Variants in ALK observed in about 807,000 individuals in gnomAD.
ALK encodes ALK tyrosine kinase receptor.
Under a neutral mutation model 163.1 loss-of-function variants are expected in ALK, and 74 were observed. The observed-to-expected ratio is 0.45, with a 90% CI of 0.38 to 0.55. The LOEUF is 0.55. Ranked by LOEUF, ALK falls within the 20% of genes least tolerant of loss-of-function variation. ALK has a pLI of 0.00. For synonymous variants in ALK, 960 were observed against 843.2 expected, an observed-to-expected ratio of 1.14 and a Z score of -2.40; for missense variants, 2,063 against 2,105.3, an observed-to-expected ratio of 0.98 and a Z score of 0.39.
chr2:29,653,412 G>C (rs1354492198), intron 3 of ALK, among the ~76,000 whole-genome samples: 2 of 152,120 alleles, frequency 1.3e-5, no homozygotes, highest in Non-Finnish European at 2.9e-5. Flanking sequence ...AATTTGACCA[G>C]ACCAAGAATT....
chr2:29,472,996 T>C (rs1020627681), intron 4 of ALK, among the ~76,000 whole-genome samples: 6 of 152,256 alleles, frequency 3.9e-5, no homozygotes, highest in African/African-American at 1.4e-4. Flanking sequence ...GTATTTGTAC[T>C]GTGTGACAAT....
chr2:29,920,438 T>G lies in ALK; in HGVS notation c.222A>C (p.Pro74=). ...FRVYARDLLL[P]PSSSELKAGR... The stretch of plus-strand genomic sequence containing the variant: ...CAGCCTTCAGCTCCGAGGAGGATGG[T>G]GGCAGCAGTAGGTCCCGGGCGTAGA... Residue 74 remains proline (P), a synonymous_variant, in exon 1 of 29, where the codon CCA becomes CCC. Coordinates refer to ENST00000389048, the MANE Select transcript of ALK (RefSeq NM_004304.5). 6.2e-7 allele frequency: 1 copy of G among 1,607,822 alleles called. No homozygotes were observed. The highest frequency in any genetic ancestry group is 8.5e-7 in the Non-Finnish European group (1 of 1,177,568).
chr2:29,689,105 G>A (rs1043955097), intron 3 of ALK, among the ~76,000 whole-genome samples: 10 of 152,132 alleles, frequency 6.6e-5, no homozygotes, highest in Admixed American at 4.6e-4. Flanking sequence ...TTGCTCTCCA[G>A]AAACAGTGGC....
intron 1 of ALK, among the ~76,000 whole-genome samples, chr2:29,808,938 A>G (rs1044723582): frequency 2.0e-5 from 3 of 152,200 alleles, no homozygotes; most frequent in Non-Finnish European, 4.4e-5. Flanking sequence ...ACAGGCCTAC[A>G]TGATAAAGCC....
chr2:29,287,234 G>C (rs915483918), intron 9 of ALK, among the ~76,000 whole-genome samples: 1 of 152,008 alleles, frequency 6.6e-6, no homozygotes, highest in Non-Finnish European at 1.5e-5. Context: ...GAATTTTTAG[G>C]AAATACGACG....
chr2:29,910,017 A>C (rs1343308620), intron 1 of ALK, among the ~76,000 whole-genome samples: 1 of 152,024 alleles, frequency 6.6e-6, no homozygotes, highest in Non-Finnish European at 1.5e-5. Flanking sequence ...GTATGCAAAG[A>C]AGCAGGAAAA....
intron 3 of ALK, among the ~76,000 whole-genome samples, chr2:29,585,234 G>C (rs946743897): frequency 1.6e-4 from 25 of 152,094 alleles, no homozygotes; most frequent in African/African-American, 5.8e-4. Context: ...ATTTACTTTA[G>C]GTGATGATGC....
At chr2:29,494,532 G>A (rs62129126) in intron 4 of ALK, among the ~76,000 whole-genome samples, 37,840 of 152,000 alleles carry the variant, frequency 0.25, 5,898 homozygotes, top group Non-Finnish European at 0.35. Context: ...GGTGGGTGGG[G>A]GAGTGACAGC....
chr2:29,372,738 T>C (rs1315539016), intron 5 of ALK, among the ~76,000 whole-genome samples: 2 of 152,222 alleles, frequency 1.3e-5, no homozygotes, highest in South Asian at 2.1e-4. Flanking sequence ...CTTTCCACTG[T>C]CCATGATGCT....
chr2:29,487,526 G>T (rs1317909256), intron 4 of ALK, among the ~76,000 whole-genome samples: 3 of 152,142 alleles, frequency 2.0e-5, no homozygotes, highest in Non-Finnish European at 4.4e-5. Flanking sequence ...AAGCCACCTG[G>T]GGTAGTACCC....
chr2:29,319,547 G>C (rs1018138736), intron 7 of ALK, among the ~76,000 whole-genome samples: 6 of 152,164 alleles, frequency 3.9e-5, no homozygotes, highest in African/African-American at 1.4e-4. Context: ...GTTCTGTGGG[G>C]CTCCAGGGGG....
chr2:29,254,646 C>T (rs1417180650), intron 11 of ALK, among the ~76,000 whole-genome samples: 1 of 152,172 alleles, frequency 6.6e-6, no homozygotes, highest in Non-Finnish European at 1.5e-5. Flanking sequence ...AAAATGTGAA[C>T]AATTGGAGAC....
Position 29,460,080 on chromosome 2 carries a change from G to A in ALK, c.1154+71835C>T, listed in dbSNP as rs148536746. Among the ~76,000 whole-genome samples the A allele has an allele frequency of 2.2e-3, 341 of 152,300 alleles. 3 individuals are homozygous for A. The highest frequency in any genetic ancestry group is 7.8e-3 in the African/African-American group (324 of 41,570). ...CCACCCTGGAGCCTTGCTCCACAGT[G>A]AAGAGGTTTTAGTGACTACCTTGCA... is the stretch of plus-strand genomic sequence containing the variant. On this transcript the variant is annotated intron_variant, in intron 4 of 28. Transcript: ENST00000389048.
At chr2:29,719,847 G>C (rs1456946891) in intron 1 of ALK, among the ~76,000 whole-genome samples, 1 of 152,142 alleles carries the variant, frequency 6.6e-6, no homozygotes, top group Admixed American at 6.5e-5. Flanking sequence ...AATGGCTGAG[G>C]TCAGAGGCCA....
intron 3 of ALK, among the ~76,000 whole-genome samples, chr2:29,542,266 T>A (rs1673432136): frequency 6.6e-6 from 1 of 152,216 alleles, no homozygotes; most frequent in Admixed American, 6.5e-5. Flanking sequence ...TTTCTATTTA[T>A]TTTATATCTG....
At chr2:29,477,597 C>A (rs1321220933) in intron 4 of ALK, among the ~76,000 whole-genome samples, 1 of 152,172 alleles carries the variant, frequency 6.6e-6, no homozygotes, top group Non-Finnish European at 1.5e-5. Context: ...ATGGACTAAA[C>A]AGATGGCTTC....
chr2:29,416,926 A>G (rs995983732), intron 4 of ALK, among the ~76,000 whole-genome samples: 2 of 136,484 alleles, frequency 1.5e-5, no homozygotes, highest in East Asian at 2.2e-4. Context: ...GTCAATAAAT[A>G]TTTGCTCATT....
At chr2:29,275,527 A>G (rs745593096) in intron 9 of ALK, 31 bp from the exon 10 acceptor site, 92 of 1,609,502 alleles carry the variant, frequency 5.7e-5, no homozygotes, top group Non-Finnish European at 7.7e-5. Flanking sequence ...GTGTGTGAGG[A>G]GCAAACTGGG....
intron 1 of ALK, among the ~76,000 whole-genome samples, chr2:29,828,936 CTGGAT>C (rs1171692038): frequency 1.3e-5 from 2 of 151,842 alleles, no homozygotes; most frequent in African/African-American, 4.8e-5. Context: ...CAATGATAGA[CTGGAT>C]TAAGAAAATG....
Sources: gnomAD v4.1 joint callset for allele counts (sites outside exome capture counted in the v4.1 genomes callset) on GRCh38, gnomAD v4.1.1 for gene constraint, MANE v1.5 for transcripts, NCBI Gene and HGNC (gene_info 2026-07-23, HGNC 2026-07-21) for gene names.